Variants in CPLX2 observed in about 807,000 individuals in gnomAD.
The protein encoded by CPLX2 is complexin 2, also known as complexin-2.
A neutral mutation model predicts 16.3 loss-of-function variants in CPLX2; 5 were observed. That is an observed-to-expected ratio of 0.31 (90% CI 0.16 to 0.64). The LOEUF is 0.64. Ranked by LOEUF, CPLX2 falls within the 30% of genes least tolerant of loss-of-function variation. The pLI is 0.79. For missense variants in CPLX2, 144 were observed against 181.4 expected, an observed-to-expected ratio of 0.79 and a Z score of 1.18; for synonymous variants, 89 against 73.2, an observed-to-expected ratio of 1.22 and a Z score of -1.10.
At chr5:175,843,073 G>A (rs556562039) in intron 2 of CPLX2, among the ~76,000 whole-genome samples, 5 of 152,324 alleles carry the variant, frequency 3.3e-5, no homozygotes, top group Non-Finnish European at 5.9e-5. Flanking sequence ...GGTTACCAGC[G>A]AGATGAGTCA....
At chr5:175,808,084 C>T (rs1410311208) in intron 1 of CPLX2, among the ~76,000 whole-genome samples, 2 of 152,156 alleles carry the variant, frequency 1.3e-5, no homozygotes, top group South Asian at 4.1e-4. Context: ...CATTGCAGCC[C>T]CTTCAGTTGC....
At chr5:175,878,285 G>A (rs1465172206) in intron 1 of CPLX2, 2 of 172,406 alleles carry the variant, frequency 1.2e-5, no homozygotes, top group African/African-American at 2.4e-5. Context: ...GAGCAGGTTA[G>A]GGCCTTGCTG....
intron 2 of CPLX2, among the ~76,000 whole-genome samples, chr5:175,838,435 T>C (rs939046369): frequency 2.0e-5 from 3 of 151,904 alleles, no homozygotes; most frequent in Non-Finnish European, 2.9e-5. Context: ...GCCCGGCTAA[T>C]TTTTTTGTAT....
rs1383785076 is a variant in CPLX2 at position 175,830,922 on chromosome 5, G to A, written c.-89+21854G>A. ...AACTGGAAGGGGCCTTAGAGCCCAAGGGAAACGTGCGTGTGTTCGTGCTCA... is the reference window on the plus strand; with the variant it reads ...AACTGGAAGGGGCCTTAGAGCCCAAAGGAAACGTGCGTGTGTTCGTGCTCA... On this transcript the variant is annotated intron_variant, in intron 2 of 4. Transcript: ENST00000359546. The surrounding 1 kb of genome is among the most constrained non-coding windows in gnomAD (Gnocchi z 4.0). Among the ~76,000 whole-genome samples, 1 of 152,232 alleles carries A rather than the reference G, an allele frequency of 6.6e-6. No individual in the cohort carries two copies. Among genetic ancestry groups the A allele is most frequent in the Non-Finnish European group, 1.5e-5 (1 of 68,042 alleles).
At chr5:175,808,637 A>ATGAT (rs1758257198) in intron 1 of CPLX2, among the ~76,000 whole-genome samples, 1 of 152,234 alleles carries the variant, frequency 6.6e-6, no homozygotes, top group South Asian at 2.1e-4. Context: ...AAAACCAGAT[A>ATGAT]TGATTGATGA....
chr5:175,834,815 A>C (rs1293876411), intron 2 of CPLX2, among the ~76,000 whole-genome samples: 1 of 152,258 alleles, frequency 6.6e-6, no homozygotes, highest in Non-Finnish European at 1.5e-5. Context: ...CGGAGGTTGC[A>C]GTGAGCTGAG....
At chr5:175,801,568 CTG>C (rs1460786083) in intron 1 of CPLX2, among the ~76,000 whole-genome samples, 9 of 152,308 alleles carry the variant, frequency 5.9e-5, no homozygotes, top group Admixed American at 5.2e-4. Flanking sequence ...CATTGAGAAG[CTG>C]TGTGGGTTTA....
chr5:175,806,664 A>T (rs1489798904), intron 1 of CPLX2, among the ~76,000 whole-genome samples: 7 of 143,070 alleles, frequency 4.9e-5, no homozygotes, highest in South Asian at 2.3e-4. Context: ...TTAATTTTGT[A>T]TTTTTTTTTT....
chr5:175,832,479 A>G (rs1057433920), intron 2 of CPLX2, among the ~76,000 whole-genome samples: 8 of 152,168 alleles, frequency 5.3e-5, no homozygotes, highest in Non-Finnish European at 1.0e-4. Context: ...AACCAGAAAC[A>G]TGGGCGTTGG....
intron 2 of CPLX2, among the ~76,000 whole-genome samples, chr5:175,864,879 G>A (rs1759437463): frequency 6.6e-6 from 1 of 152,152 alleles, no homozygotes; most frequent in South Asian, 2.1e-4. Flanking sequence ...TACTTACCTA[G>A]AGTGAGAAGT....
chr5:175,816,244 T>C (rs1758405655), intron 2 of CPLX2, among the ~76,000 whole-genome samples: 1 of 152,044 alleles, frequency 6.6e-6, no homozygotes, highest in Non-Finnish European at 1.5e-5. Context: ...CTCGGCTCAC[T>C]GCAACCTCCA....
chr5:175,833,332 G>A lies in CPLX2; in HGVS notation c.-89+24264G>A, dbSNP rs370884065. Among the ~76,000 whole-genome samples, 6 of 152,192 alleles carry A rather than the reference G, an allele frequency of 3.9e-5. No homozygotes were observed. The East Asian group carries it at 9.7e-4, about 24-fold the overall frequency. On this transcript the variant is annotated intron_variant, in intron 2 of 4. Transcript: ENST00000359546. ...GCAGATGAGAAGGGCTGGCTGCTTG[G>A]GATACAGAGATGAAGAGAGTACAGT...
At chr5:175,852,054 T>C (rs1759167052) in intron 2 of CPLX2, among the ~76,000 whole-genome samples, 1 of 152,144 alleles carries the variant, frequency 6.6e-6, no homozygotes, top group Non-Finnish European at 1.5e-5. Flanking sequence ...GAGCCCACAA[T>C]ATTCCCCTCA....
At chr5:175,801,976 A>G (rs1208359113) in intron 1 of CPLX2, among the ~76,000 whole-genome samples, 1 of 152,246 alleles carries the variant, frequency 6.6e-6, no homozygotes, top group Non-Finnish European at 1.5e-5. Flanking sequence ...TCACACAGCC[A>G]GTTACTGGCA....
intron 2 of CPLX2, among the ~76,000 whole-genome samples, chr5:175,821,675 T>C (rs1758512464): frequency 6.6e-6 from 1 of 152,252 alleles, no homozygotes; most frequent in Admixed American, 6.5e-5. Context: ...CCCAAAGTGC[T>C]GGGATTACAG....
At position 175,809,839 on chromosome 5, in the gene CPLX2, TAA is replaced by T. The variant is rs2113632020; in HGVS notation, c.-89+772_-89+773del. Among the ~76,000 whole-genome samples, 1 of 152,350 alleles carries T rather than the reference TAA, an allele frequency of 6.6e-6. No individual in the cohort carries two copies. The highest frequency in any genetic ancestry group is 2.1e-4 in the South Asian group (1 of 4,830). On this transcript the variant is annotated intron_variant, in intron 2 of 4. Transcript: ENST00000359546. This position sits in a 1 kb window ranked among gnomAD's most constrained non-coding sequence, Gnocchi z 4.4. ...TTGAGTTTCATACCAAATAGTCTCT[TAA>T]GAGAAGGAACGTCTCCAGGCCACCT... is the stretch of plus-strand genomic sequence containing the variant.
intron 2 of CPLX2, among the ~76,000 whole-genome samples, chr5:175,864,389 G>A (rs945235436): frequency 6.6e-6 from 1 of 152,286 alleles, no homozygotes; most frequent in African/African-American, 2.4e-5. Flanking sequence ...TCCCTGCTTT[G>A]AGCCTCCAAT....
At chr5:175,865,352 C>T (rs922211801) in intron 2 of CPLX2, among the ~76,000 whole-genome samples, 1 of 152,170 alleles carries the variant, frequency 6.6e-6, no homozygotes. Context: ...AGCTCACTTA[C>T]TCCATAAATG....
intron 2 of CPLX2, among the ~76,000 whole-genome samples, chr5:175,847,838 C>G (rs1156684728): frequency 2.0e-5 from 3 of 152,236 alleles, no homozygotes; most frequent in Non-Finnish European, 4.4e-5. Context: ...ACCCCCAGCC[C>G]CTCTCCTCCA....
Sources: allele counts gnomAD v4.1 joint callset (sites outside exome capture counted in the v4.1 genomes callset), GRCh38; gene constraint gnomAD v4.1.1; non-coding constraint Gnocchi (gnomAD v3.1); transcripts MANE v1.5; gene names NCBI Gene and HGNC (gene_info 2026-07-23, HGNC 2026-07-21).